CCNY: variants seen among roughly 807,000 people sequenced by gnomAD.
CCNY encodes the protein cyclin-Y.
A neutral mutation model predicts 42.8 loss-of-function variants in CCNY; 19 were observed. That is an observed-to-expected ratio of 0.44 (90% CI 0.31 to 0.65). The LOEUF is 0.65. Ranked by LOEUF, CCNY falls within the 30% of genes least tolerant of loss-of-function variation. The pLI, the probability that CCNY is intolerant of heterozygous loss-of-function variation, is 0.07. For synonymous variants in CCNY, 165 were observed against 162.7 expected, an observed-to-expected ratio of 1.01 and a Z score of -0.11; for missense variants, 370 against 437.3, an observed-to-expected ratio of 0.85 and a Z score of 1.37.
chr10:35,483,517 T>C, intron 2 of CCNY, 39 bp downstream of exon 2: 1 of 1,313,746 alleles, frequency 7.6e-7, no homozygotes, highest in Non-Finnish European at 1.1e-6. Flanking sequence ...TAAAAAAGGC[T>C]CATGTTGGTA....
chr10:35,351,914 T>G lies in CCNY; in HGVS notation c.154+14707T>G, dbSNP rs189354788. Among the ~76,000 whole-genome samples, 157 of 152,330 alleles carry G rather than the reference T, an allele frequency of 1.0e-3. 1 individual carries two copies. Among genetic ancestry groups the G allele is most frequent in the African/African-American group, 3.6e-3 (149 of 41,560 alleles). On this transcript the variant is annotated intron_variant, in intron 1 of 9. Coordinates refer to ENST00000374704, the MANE Select transcript of CCNY (RefSeq NM_145012.6). ...CTAAAGAGCCATTTATTATACACTT[T>G]GGTGGTTGGATTTAGCCATCTTGTG... is the stretch of plus-strand genomic sequence containing the variant.
intron 3 of CCNY, among the ~76,000 whole-genome samples, chr10:35,323,201 T>C (rs556056113): frequency 3.3e-5 from 5 of 152,136 alleles, no homozygotes; most frequent in Non-Finnish European, 7.3e-5. Context: ...ATTGCTAAGA[T>C]TACAGGCATG....
At chr10:35,539,615 C>T (rs558916231) in intron 7 of CCNY, among the ~76,000 whole-genome samples, 91 of 152,168 alleles carry the variant, frequency 6.0e-4, no homozygotes, top group African/African-American at 2.1e-3. Context: ...GGTGAAACCC[C>T]ATCTCTACTA....
intron 4 of CCNY, among the ~76,000 whole-genome samples, chr10:35,524,116 T>C (rs2135416797): frequency 6.6e-6 from 1 of 152,336 alleles, no homozygotes; most frequent in Non-Finnish European, 1.5e-5. Flanking sequence ...CACACAGCCT[T>C]ATACAAGCCA....
Position 35,455,626 on chromosome 10 carries a change from C to G in CCNY, c.155-27778C>G, listed in dbSNP as rs115102650. 3.0e-3 allele frequency among the ~76,000 whole-genome samples: 454 copies of G among 152,062 alleles called. 1 individual carries two copies. Among genetic ancestry groups the G allele is most frequent in the African/African-American group, 0.01 (430 of 41,412 alleles). Reference sequence around the variant, plus strand: ...GACATGACCGAACATTCATAAGGCTCAGTGCTCACTGTCTCCTCTTCCCTT... The same window carrying G: ...GACATGACCGAACATTCATAAGGCTGAGTGCTCACTGTCTCCTCTTCCCTT... On this transcript the variant is annotated intron_variant, in intron 1 of 9. Coordinates refer to ENST00000374704, the MANE Select transcript of CCNY (RefSeq NM_145012.6).
At chr10:35,418,222 C>G (rs1324578033) in intron 1 of CCNY, among the ~76,000 whole-genome samples, 1 of 152,146 alleles carries the variant, frequency 6.6e-6, no homozygotes, top group Non-Finnish European at 1.5e-5. Flanking sequence ...AAACTTTCTT[C>G]AGTGACCTGG....
At chr10:35,325,337 C>A (rs1418657291) in intron 3 of CCNY, among the ~76,000 whole-genome samples, 1 of 152,124 alleles carries the variant, frequency 6.6e-6, no homozygotes, top group Non-Finnish European at 1.5e-5. Flanking sequence ...CGCCATCACA[C>A]CTGGCTAATT....
intron 1 of CCNY, among the ~76,000 whole-genome samples, chr10:35,481,130 A>G (rs144407135): frequency 1.1e-3 from 167 of 152,348 alleles, no homozygotes; most frequent in African/African-American, 3.8e-3. Flanking sequence ...TCGTCACCTA[A>G]TGACATACGG....
chr10:35,360,064 A>G (rs942493709), intron 1 of CCNY, among the ~76,000 whole-genome samples: 2 of 152,226 alleles, frequency 1.3e-5, no homozygotes, highest in Non-Finnish European at 2.9e-5. Flanking sequence ...TAATGCCGCT[A>G]GGCACACGAG....
chr10:35,443,513 A>C (rs930938914), intron 1 of CCNY, among the ~76,000 whole-genome samples: 2 of 152,216 alleles, frequency 1.3e-5, no homozygotes, highest in African/African-American at 4.8e-5. Context: ...GATCATCAAT[A>C]TCACTGTCTT....
At position 35,336,954 on chromosome 10, in the gene CCNY, T is replaced by TC; in HGVS notation, c.-96dup. The TC allele has an allele frequency of 1.0e-6, 1 of 954,718 alleles. No individual in the cohort carries two copies. Among genetic ancestry groups the TC allele is most frequent in the Non-Finnish European group, 1.3e-6 (1 of 753,140 alleles). The allele number at this position is 954,718 out of a possible 1,614,324, so 59.1% of individuals were successfully genotyped here. ...TCCCGTGGCGGCGAGCGGGCGGGCC[T>TC]CCCCACACGCCCCCGCCGCCCGCGC... On this transcript the variant is annotated 5_prime_UTR_variant, in exon 1 of 10. Transcript: ENST00000374704.
intron 1 of CCNY, among the ~76,000 whole-genome samples, chr10:35,412,550 G>GT (rs1393803610): frequency 6.6e-6 from 1 of 151,892 alleles, no homozygotes; most frequent in East Asian, 1.9e-4. Context: ...AGCTGTTGAG[G>GT]ATTTAATGAA....
At chr10:35,479,950 A>T (rs759183376) in intron 1 of CCNY, among the ~76,000 whole-genome samples, 2 of 150,916 alleles carry the variant, frequency 1.3e-5, no homozygotes, top group Non-Finnish European at 2.9e-5. Context: ...AGGGTGATAA[A>T]GCAGGTTCAT....
intron 3 of CCNY, among the ~76,000 whole-genome samples, chr10:35,317,710 C>T (rs1318133236): frequency 6.6e-6 from 1 of 152,186 alleles, no homozygotes; most frequent in East Asian, 1.9e-4. Flanking sequence ...GCAGCACTGC[C>T]CTCCTAAGTG....
chr10:35,337,398 A>G (rs1429533365), intron 1 of CCNY, among the ~76,000 whole-genome samples, 191 bp downstream of exon 1: 2 of 152,112 alleles, frequency 1.3e-5, no homozygotes, highest in East Asian at 1.9e-4. Flanking sequence ...GTTACCCCCA[A>G]GTGAGCGGCC....
chr10:35,449,589 A>G (rs1011462794), intron 1 of CCNY, among the ~76,000 whole-genome samples: 1 of 146,940 alleles, frequency 6.8e-6, no homozygotes, highest in Non-Finnish European at 1.5e-5. Context: ...AATGAGAGTA[A>G]TTACTACGCG....
At chr10:35,502,689 G>T (rs2135392289) in intron 3 of CCNY, among the ~76,000 whole-genome samples, 1 of 151,346 alleles carries the variant, frequency 6.6e-6, no homozygotes, top group Non-Finnish European at 1.5e-5. Flanking sequence ...CAAAGCATCT[G>T]TTTAAAGCAC....
At chr10:35,555,878 T>G (rs1018863774) in intron 8 of CCNY, among the ~76,000 whole-genome samples, 2 of 152,208 alleles carry the variant, frequency 1.3e-5, no homozygotes, top group African/African-American at 4.8e-5. Flanking sequence ...TCTTAAAAAA[T>G]TATACATTAT....
At chr10:35,259,009 A>T (rs900907861) in intron 3 of CCNY, among the ~76,000 whole-genome samples, 2 of 151,992 alleles carry the variant, frequency 1.3e-5, no homozygotes, top group Non-Finnish European at 2.9e-5. Context: ...GGTAGCTGCT[A>T]CCGCACCAAG....
Sources: allele counts gnomAD v4.1 joint callset (sites outside exome capture counted in the v4.1 genomes callset), GRCh38; gene constraint gnomAD v4.1.1; transcripts MANE v1.5; gene names NCBI Gene and HGNC (gene_info 2026-07-23, HGNC 2026-07-21).